The following GSDMC variants were observed in gnomAD, a reference collection of about 807,000 sequenced individuals.
GSDMC encodes the protein gasdermin C.
Under a neutral mutation model 58.0 loss-of-function variants are expected in GSDMC, and 59 were observed. The ratio of observed to expected loss-of-function variants is 1.02; its 90% CI spans 0.82 to 1.26. The LOEUF (loss-of-function observed/expected upper bound fraction) is 1.26. Among genes scored for constraint, GSDMC ranks in the 50% most tolerant of loss-of-function variants. GSDMC has a pLI of 0.00. For synonymous variants in GSDMC, 241 were observed against 220.2 expected (o/e 1.09, Z -0.83); for missense variants, 659 against 598.5 (o/e 1.10, Z -1.06).
chr8:129,750,211 G>T (rs2033126727), intron 11 of GSDMC, 92 bp from the exon 12 acceptor site: 3 of 1,139,980 alleles, frequency 2.6e-6, no homozygotes, highest in African/African-American at 1.6e-5. Context: ...CCAAGGGGTA[G>T]GCATGAGGGT....
chr8:129,763,565 G>C (rs1049769671), intron 4 of GSDMC, among the ~76,000 whole-genome samples: 1 of 151,904 alleles, frequency 6.6e-6, no homozygotes, highest in African/African-American at 2.4e-5. Flanking sequence ...AAATCTCCTC[G>C]ACTGATCCTC....
At position 129,776,182 on chromosome 8, in the gene GSDMC, C is replaced by T. The variant is rs1478682723; in HGVS notation, c.324G>A (p.Glu108=). ...NVGIEVSVSG[E]ASVDHGCSLE... ...GGGAGCATCCATGGTCCACAGAGGC[C>T]TCCCCTGACACACTCACTTCTATAC... The change falls in exon 3 of 14, where the codon GAG becomes GAA. Residue 108 remains glutamate (E), a synonymous_variant. Coordinates refer to ENST00000276708, the MANE Select transcript of GSDMC (RefSeq NM_031415.3). 6.2e-7 allele frequency: 1 copy of T among 1,613,722 alleles called. No individual in the cohort carries two copies. Among genetic ancestry groups the T allele is most frequent in the Non-Finnish European group, 8.5e-7 (1 of 1,179,784 alleles).
intron 3 of GSDMC, among the ~76,000 whole-genome samples, chr8:129,768,601 A>G (rs567670159): frequency 8.1e-4 from 124 of 152,358 alleles, no homozygotes; most frequent in African/African-American, 2.8e-3. Context: ...AGCAGATTCA[A>G]TCAAGCAAAA....
the GSDMC span, among the ~76,000 whole-genome samples, chr8:129,706,125 G>C: frequency 1.3e-5 from 2 of 152,168 alleles, no homozygotes; most frequent in Non-Finnish European, 2.9e-5. Context: ...AGGTGATGCT[G>C]CTGGAGGAGG....
At chr8:129,715,435 A>C in the GSDMC span, among the ~76,000 whole-genome samples, 1 of 152,192 alleles carries the variant, frequency 6.6e-6, no homozygotes, top group African/African-American at 2.4e-5. Flanking sequence ...GAGACAGAAA[A>C]AAAAATATTT....
In GSDMC at chr8:129,751,810, C is replaced by T. The variant is rs1283140811; in HGVS notation, c.916+52G>A. 3.2e-6 allele frequency: 5 copies of T among 1,558,894 alleles called. No homozygotes were observed. The East Asian group carries it at 6.7e-5, about 21-fold the overall frequency. ...CAGGGGCAATCTGCCCTACTTACCC[C>T]ATGTGTGCAGGATGGGATCCCCACC... On this transcript the variant is annotated intron_variant, in intron 9 of 13. Transcript: ENST00000276708.
In GSDMC at chr8:129,760,579, G is replaced by A. The variant is rs764533905; in HGVS notation, c.687C>T (p.Ile229=). The change falls in exon 6 of 14, where the codon ATC becomes ATT. Residue 229 remains isoleucine (I), a synonymous_variant. Transcript: ENST00000276708. ...QLVIKEKAIL[I]SDDDEQRTFQ... The stretch of plus-strand genomic sequence containing the variant: ...AGGTTCTCTGTTCATCATCATCTGA[G>A]ATGAGAATGGCTGAATGGAAAAGAA... The A allele has an allele frequency of 3.1e-6, 5 of 1,593,736 alleles. No individual in the cohort carries two copies. In the Admixed American group the frequency reaches 8.4e-5, roughly 27 times the overall value.
chr8:129,730,466 C>T, the GSDMC span: 1 of 923,524 alleles, frequency 1.1e-6, no homozygotes, highest in East Asian at 3.3e-5. Context: ...TATTCATACA[C>T]TTTTGTAGCT....
chr8:129,758,359 T>C (rs1309058138), intron 6 of GSDMC, among the ~76,000 whole-genome samples: 2 of 152,186 alleles, frequency 1.3e-5, no homozygotes, highest in African/African-American at 2.4e-5. Context: ...GCTGGAAGTC[T>C]TAGCTAGAGC....
Position 129,767,606 on chromosome 8 carries a change from C to A in GSDMC, c.405-1813G>T, listed in dbSNP as rs569255147. Among the ~76,000 whole-genome samples the A allele has an allele frequency of 1.1e-4, 16 of 152,284 alleles. No homozygotes were observed. The South Asian group carries it at 3.3e-3, about 32-fold the overall frequency. On this transcript the variant is annotated intron_variant, in intron 3 of 13. Coordinates refer to ENST00000276708, the MANE Select transcript of GSDMC (RefSeq NM_031415.3). ...GGGAGTTCATGGTGACCCTGACTGA[C>A]CATGGAGCAAACTGAGTAGCCCTAC...
chr8:129,786,256 CG>C lies in GSDMC; in HGVS notation c.-251del, dbSNP rs1442892803. The C allele has an allele frequency of 6.6e-6, 1 of 151,648 alleles. No individual in the cohort carries two copies. The highest frequency in any genetic ancestry group is 1.5e-5 in the Non-Finnish European group (1 of 67,990). 9.4% of individuals were successfully genotyped at this position (151,648 alleles called of 1,614,324 possible). A position where few individuals can be genotyped will look rare whatever the true frequency, so the allele number is the denominator to read the frequency against. On this transcript the variant is annotated 5_prime_UTR_variant, in exon 1 of 14. An upstream open reading frame in the 5' UTR loses its in-frame stop. Coordinates refer to ENST00000276708, the MANE Select transcript of GSDMC (RefSeq NM_031415.3). Reference sequence around the variant, plus strand: ...GCTGAGGCAGAGAACTGCTTGAACCCGGGAGGCAGAGGTTGCAGTGAGCTGA... The same window carrying C: ...GCTGAGGCAGAGAACTGCTTGAACCCGGAGGCAGAGGTTGCAGTGAGCTGA...
chr8:129,751,357 C>T (rs915335254), intron 10 of GSDMC, among the ~76,000 whole-genome samples, 185 bp downstream of exon 10: 3 of 152,124 alleles, frequency 2.0e-5, no homozygotes, highest in African/African-American at 4.8e-5. Flanking sequence ...ACAGCCATAA[C>T]TTTCAGGTTC....
intron 1 of GSDMC, among the ~76,000 whole-genome samples, chr8:129,780,029 G>A (rs946315658): frequency 6.6e-6 from 1 of 152,148 alleles, no homozygotes; most frequent in African/African-American, 2.4e-5. Flanking sequence ...TGATCAAACA[G>A]AAGGAAGAAT....
At chr8:129,751,764 G>A in intron 9 of GSDMC, 98 bp downstream of exon 9, 3 of 1,291,184 alleles carry the variant, frequency 2.3e-6, no homozygotes, top group Middle Eastern at 1.9e-4. Flanking sequence ...AGGCCCTAGG[G>A]CGGTGGTGGC....
chr8:129,713,232 A>C, the GSDMC span, among the ~76,000 whole-genome samples: 1 of 152,202 alleles, frequency 6.6e-6, no homozygotes, highest in Non-Finnish European at 1.5e-5. Context: ...CTCTGAGAAC[A>C]ATCTCCCTAC....
At chr8:129,779,760 C>G (rs1453256532) in intron 1 of GSDMC, among the ~76,000 whole-genome samples, 1 of 151,984 alleles carries the variant, frequency 6.6e-6, no homozygotes, top group Non-Finnish European at 1.5e-5. Context: ...AGGAAAACAT[C>G]ACCTTACCAA....
At chr8:129,765,543 C>T in intron 4 of GSDMC, 85 bp downstream of exon 4, 6 of 943,358 alleles carry the variant, frequency 6.4e-6, no homozygotes, top group East Asian at 2.4e-5. Flanking sequence ...AAATAGAGTC[C>T]AGAGCCCCCT....
At chr8:129,741,283 C>T in the GSDMC span, among the ~76,000 whole-genome samples, 1 of 151,962 alleles carries the variant, frequency 6.6e-6, no homozygotes, top group South Asian at 2.1e-4. Flanking sequence ...AACTGTGATG[C>T]CTCCAGTTTT....
the GSDMC span, among the ~76,000 whole-genome samples, chr8:129,708,150 T>G: frequency 1.3e-5 from 2 of 152,158 alleles, no homozygotes; most frequent in African/African-American, 4.8e-5. Flanking sequence ...ATAAAAAGAC[T>G]AAGAATTTAA....
Sources: gnomAD v4.1 joint callset for allele counts (sites outside exome capture counted in the v4.1 genomes callset) on GRCh38, gnomAD v4.1.1 for gene constraint, MANE v1.5 for transcripts, NCBI Gene and HGNC (gene_info 2026-07-23, HGNC 2026-07-21) for gene names.